Variants in C1orf105 observed in about 807,000 individuals in gnomAD.
The protein encoded by C1orf105 is chromosome 1 open reading frame 105.
C1orf105 carries 17 observed loss-of-function variants against 20.8 expected under a neutral mutation model. The observed-to-expected ratio is 0.82, with a 90% CI of 0.56 to 1.23. The LOEUF (loss-of-function observed/expected upper bound fraction) is 1.23. Among genes scored for constraint, C1orf105 ranks in the 50% most tolerant of loss-of-function variants. The pLI is 0.00. For missense variants in C1orf105, 219 were observed against 213.5 expected (o/e 1.03, Z -0.16); for synonymous variants, 72 against 72.1 (o/e 1.00, Z 0.01).
chr1:172,452,681 G>T (rs754379256), intron 3 of C1orf105: 1 of 658,894 alleles, frequency 1.5e-6, no homozygotes, highest in Non-Finnish European at 1.9e-6. Flanking sequence ...GTATGAGGAT[G>T]TTTCCAATTG....
At chr1:172,431,892 CTG>C (rs1383038284) in intron 1 of C1orf105, among the ~76,000 whole-genome samples, 3 of 152,262 alleles carry the variant, frequency 2.0e-5, no homozygotes, top group Non-Finnish European at 4.4e-5. Flanking sequence ...GCCCCAAACA[CTG>C]TGCTTTTCCC....
At chr1:172,446,026 C>G (rs1647962291) in intron 2 of C1orf105, among the ~76,000 whole-genome samples, 1 of 152,194 alleles carries the variant, frequency 6.6e-6, no homozygotes, top group South Asian at 2.1e-4. Flanking sequence ...ATTCCCATCA[C>G]TGTCTCCACA....
intron 5 of C1orf105, among the ~76,000 whole-genome samples, chr1:172,462,509 G>A (rs1350032940): frequency 1.3e-5 from 2 of 152,070 alleles, no homozygotes; most frequent in Non-Finnish European, 2.9e-5. Context: ...AACAGAATAG[G>A]AAATTTCTTT....
intron 1 of C1orf105, among the ~76,000 whole-genome samples, chr1:172,423,072 A>G (rs1046745602): frequency 6.6e-6 from 1 of 152,194 alleles, no homozygotes; most frequent in Non-Finnish European, 1.5e-5. Context: ...CCCTGAAGGA[A>G]AGGACACAGC....
intron 2 of C1orf105, among the ~76,000 whole-genome samples, chr1:172,448,080 G>A (rs183528618): frequency 1.5e-3 from 228 of 152,356 alleles, no homozygotes; most frequent in African/African-American, 5.3e-3. Flanking sequence ...GCCCAGGTAC[G>A]AAAGGGGACA....
At position 172,468,443 on chromosome 1, in the gene C1orf105, A is replaced by C. The variant is rs1480984786; in HGVS notation, c.407-6A>C. The C allele has an allele frequency of 6.2e-7, 1 of 1,609,066 alleles. No individual in the cohort carries two copies. Among genetic ancestry groups the C allele is most frequent in the African/African-American group, 1.3e-5 (1 of 74,726 alleles). On this transcript the variant is annotated splice_region_variant and splice_polypyrimidine_tract_variant and intron_variant, in intron 6 of 6. Coordinates refer to ENST00000367727, the MANE Select transcript of C1orf105 (RefSeq NM_139240.4). ...ATCCTTCTTTCCTTCTTGTACTGTC[A>C]TCCAGAAAGCATTCACTACAGACTG... is the stretch of plus-strand genomic sequence containing the variant.
chr1:172,449,616 G>A (rs1463616358), intron 3 of C1orf105, among the ~76,000 whole-genome samples: 4 of 152,168 alleles, frequency 2.6e-5, no homozygotes, highest in Non-Finnish European at 5.9e-5. Flanking sequence ...ACGCGGCTGG[G>A]CCCAGCTAAT....
chr1:172,464,138 GA>G (rs1444410489), intron 5 of C1orf105, among the ~76,000 whole-genome samples: 1 of 151,950 alleles, frequency 6.6e-6, no homozygotes, highest in African/African-American at 2.4e-5. Context: ...AAGAATGAAG[GA>G]AAAAAGGAAG....
Position 172,455,846 on chromosome 1 carries a change from G to A in C1orf105, c.199-569G>A, listed in dbSNP as rs1649173683. Among the ~76,000 whole-genome samples the A allele has an allele frequency of 2.6e-5, 4 of 152,106 alleles. No individual in the cohort carries two copies. The South Asian group carries it at 8.3e-4, about 32-fold the overall frequency. ...TCAATCATTCTGCTTAGGAGGTACA[G>A]AAGGGCCAAATGGTGCTGGACCATG... is the stretch of plus-strand genomic sequence containing the variant. On this transcript the variant is annotated intron_variant, in intron 3 of 6. Coordinates refer to ENST00000367727, the MANE Select transcript of C1orf105 (RefSeq NM_139240.4).
At chr1:172,436,156 C>A (rs1264770009) in intron 1 of C1orf105, among the ~76,000 whole-genome samples, 2 of 152,148 alleles carry the variant, frequency 1.3e-5, no homozygotes, top group African/African-American at 4.8e-5. Context: ...ATGAAAATGG[C>A]CATACCGCCC....
At chr1:172,426,343 C>G (rs1057120827) in intron 1 of C1orf105, among the ~76,000 whole-genome samples, 1 of 152,140 alleles carries the variant, frequency 6.6e-6, no homozygotes, top group Non-Finnish European at 1.5e-5. Context: ...AGCTTTGAAC[C>G]TCATGGCATC....
chr1:172,462,242 A>G lies in C1orf105; in HGVS notation c.338A>G (p.Tyr113Cys), dbSNP rs1217492155. ...GCATCCTTTGAGAATTGTATGAGTTATAGGTAAGTCAACAATTTAAATCAG... is the reference window on the plus strand; with the variant it reads ...GCATCCTTTGAGAATTGTATGAGTTGTAGGTAAGTCAACAATTTAAATCAG... The part of the protein sequence containing the change: ...PKASFENCMS[Y>C]RMSLHQPKFQ... The change falls in exon 5 of 7, where the codon TAT becomes TGT. Residue 113 changes from tyrosine to cysteine, a missense_variant. Coordinates refer to ENST00000367727, the MANE Select transcript of C1orf105 (RefSeq NM_139240.4). 8.7e-6 allele frequency: 14 copies of G among 1,603,054 alleles called. No homozygotes were observed. In the African/African-American group the frequency reaches 9.4e-5, roughly 11 times the overall value.
intron 2 of C1orf105, among the ~76,000 whole-genome samples, chr1:172,447,268 A>C (rs1488184130): frequency 1.3e-5 from 2 of 152,236 alleles, no homozygotes; most frequent in African/African-American, 4.8e-5. Flanking sequence ...ATTTAGCCAA[A>C]TATGCTCAGA....
intron 1 of C1orf105, chr1:172,430,281 T>C (rs2071835155): frequency 1.4e-6 from 1 of 701,500 alleles, no homozygotes; most frequent in Non-Finnish European, 2.6e-6. Flanking sequence ...TTTATACCAA[T>C]TGTTTTCTAG....
At chr1:172,449,711 G>A (rs1316234964) in intron 3 of C1orf105, among the ~76,000 whole-genome samples, 1 of 152,188 alleles carries the variant, frequency 6.6e-6, no homozygotes, top group Non-Finnish European at 1.5e-5. Flanking sequence ...CTTTGCTTAA[G>A]AGTCATCTCT....
intron 1 of C1orf105, among the ~76,000 whole-genome samples, chr1:172,425,528 T>TC (rs755118453): frequency 4.0e-5 from 6 of 151,864 alleles, no homozygotes; most frequent in African/African-American, 1.5e-4. Context: ...AATCTGCCTC[T>TC]CCCCTGCAGC....
At chr1:172,429,233 C>T (rs924219867) in intron 1 of C1orf105, among the ~76,000 whole-genome samples, 7 of 88,852 alleles carry the variant, frequency 7.9e-5, no homozygotes, top group East Asian at 5.1e-4. Flanking sequence ...TACACACACA[C>T]ACACACACAC....
In C1orf105 at chr1:172,441,693, A is replaced by G. The variant is rs1647320581; in HGVS notation, c.22-3380A>G. The stretch of plus-strand genomic sequence containing the variant: ...TCTATACTAGTTAGGAGGCTAATCT[A>G]TCAGCTTGCTTTAATAATGTAATGG... On this transcript the variant is annotated intron_variant, in intron 1 of 6. Transcript: ENST00000367727. The G allele has an allele frequency of 4.0e-6, 6 of 1,490,278 alleles. No individual in the cohort carries two copies. In the South Asian group the frequency reaches 8.2e-5, roughly 20 times the overall value. The allele number at this position is 1,490,278 out of a possible 1,614,324, so 92.3% of individuals were successfully genotyped here.
intron 1 of C1orf105, chr1:172,441,630 T>C: frequency 9.1e-7 from 1 of 1,103,736 alleles, no homozygotes; most frequent in Non-Finnish European, 1.3e-6. Context: ...CTTACCACAA[T>C]GACATGCTGC....
Sources: gnomAD v4.1 joint callset for allele counts (sites outside exome capture counted in the v4.1 genomes callset) on GRCh38, gnomAD v4.1.1 for gene constraint, MANE v1.5 for transcripts, NCBI Gene and HGNC (gene_info 2026-07-23, HGNC 2026-07-21) for gene names.